BRAF: variants seen among roughly 807,000 people sequenced by gnomAD.
The protein encoded by BRAF is serine/threonine-protein kinase B-raf.
BRAF carries 16 observed loss-of-function variants against 104.6 expected under a neutral mutation model. That is an observed-to-expected ratio of 0.15 (90% CI 0.10 to 0.23). The LOEUF is 0.23. BRAF is among the 10% of genes least tolerant of loss of function. The pLI is 1.00. For synonymous variants in BRAF, 310 were observed against 341.6 expected, an observed-to-expected ratio of 0.91 and a Z score of 1.02; for missense variants, 541 against 937.3, an observed-to-expected ratio of 0.58 and a Z score of 5.52.
intron 3 of BRAF, among the ~76,000 whole-genome samples, chr7:140,814,611 G>A (rs1472038203): frequency 6.6e-6 from 1 of 151,328 alleles, no homozygotes; most frequent in East Asian, 1.9e-4. Context: ...GTTGTAGTGA[G>A]CCAAGACTGT....
Position 140,725,512 on chromosome 7 carries a change from CTTATAT to C in BRAF, c.*976_*981del. The C allele has an allele frequency of 1.0e-6, 1 of 983,676 alleles. No individual in the cohort carries two copies. The highest frequency in any genetic ancestry group is 1.2e-6 in the Non-Finnish European group (1 of 811,014). The allele number at this position is 983,676 out of a possible 1,614,324, so 60.9% of individuals were successfully genotyped here. On this transcript the variant is annotated 3_prime_UTR_variant, in exon 20 of 20. Transcript: ENST00000644969. ...GAAACTCAGAAATTAAAACCTGTAC[CTTATAT>C]TTAAATTATCTAAATTTCTCACATT...
chr7:140,803,399 G>A (rs1327390809), intron 5 of BRAF, among the ~76,000 whole-genome samples: 3 of 152,146 alleles, frequency 2.0e-5, no homozygotes, highest in Non-Finnish European at 4.4e-5. Flanking sequence ...ATAGCTGACA[G>A]AATCAGAACC....
At chr7:140,890,446 G>A (rs1814092794) in intron 1 of BRAF, among the ~76,000 whole-genome samples, 1 of 151,864 alleles carries the variant, frequency 6.6e-6, no homozygotes, top group Non-Finnish European at 1.5e-5. Flanking sequence ...TGAGCAAGAC[G>A]GACAAATTCC....
intron 19 of BRAF, chr7:140,734,394 TTAACCCTTGGATGTTA>T: frequency 6.9e-7 from 1 of 1,441,186 alleles, no homozygotes; most frequent in Non-Finnish European, 9.1e-7. Context: ...TCTATGTATT[TTAACCCTTGGATGTTA>T]AAAATCCAAT....
chr7:140,737,473 A>C (rs1796533824), intron 18 of BRAF, among the ~76,000 whole-genome samples: 1 of 152,230 alleles, frequency 6.6e-6, no homozygotes, highest in Non-Finnish European at 1.5e-5. Flanking sequence ...TTATTATGTG[A>C]ATCACCTGTT....
intron 14 of BRAF, among the ~76,000 whole-genome samples, chr7:140,755,026 T>G (rs1798086817): frequency 6.6e-6 from 1 of 152,088 alleles, no homozygotes; most frequent in African/African-American, 2.4e-5. Context: ...TGTTGTTGTT[T>G]TTGGGGAGAC....
At chr7:140,837,437 T>C (rs1807463515) in intron 2 of BRAF, among the ~76,000 whole-genome samples, 2 of 152,232 alleles carry the variant, frequency 1.3e-5, no homozygotes. Flanking sequence ...TGGCCATTGT[T>C]GTCTTCCTTC....
intron 8 of BRAF, among the ~76,000 whole-genome samples, chr7:140,789,706 C>T (rs1405714050): frequency 6.6e-6 from 1 of 152,182 alleles, no homozygotes; most frequent in Non-Finnish European, 1.5e-5. Flanking sequence ...AAGTTTGCTG[C>T]TCAATTGATT....
intron 1 of BRAF, among the ~76,000 whole-genome samples, chr7:140,867,596 G>A (rs1811112544): frequency 6.6e-6 from 1 of 152,108 alleles, no homozygotes; most frequent in Non-Finnish European, 1.5e-5. Flanking sequence ...CTGTGAGCAG[G>A]ATCGGGGTGG....
chr7:140,880,418 A>G (rs1812770564), intron 1 of BRAF, among the ~76,000 whole-genome samples: 2 of 144,240 alleles, frequency 1.4e-5, no homozygotes, highest in African/African-American at 5.8e-5. Flanking sequence ...CCACACCCGC[A>G]ATTCCTTCCT....
rs75234969 is a variant in BRAF at position 140,810,835 on chromosome 7, A to G, written c.505-1840T>C. 6.5e-3 allele frequency among the ~76,000 whole-genome samples: 990 copies of G among 152,354 alleles called. 9 individuals carry two copies. Among genetic ancestry groups the G allele is most frequent in the African/African-American group, 0.023 (936 of 41,580 alleles). On this transcript the variant is annotated intron_variant, in intron 3 of 19. Transcript: ENST00000644969. ...GCATGCACCTCTCCAACTGAGGTTG[A>G]ACAGTGAAGCTTTCTCTTGCCTTCT...
chr7:140,833,732 CAAT>C (rs1045612925), intron 3 of BRAF, among the ~76,000 whole-genome samples: 2 of 152,060 alleles, frequency 1.3e-5, no homozygotes, highest in African/African-American at 4.8e-5. Context: ...TATTCCCTGA[CAAT>C]AAATGATGCC....
intron 17 of BRAF, among the ~76,000 whole-genome samples, chr7:140,746,131 T>C (rs1449163317): frequency 6.6e-6 from 1 of 152,206 alleles, no homozygotes; most frequent in Non-Finnish European, 1.5e-5. Flanking sequence ...TTTAAGCTAC[T>C]ACATTCTGGG....
At chr7:140,800,568 A>G (rs1316126786) in intron 6 of BRAF, 87 bp from the exon 7 acceptor site, 1 of 1,587,688 alleles carries the variant, frequency 6.3e-7, no homozygotes, top group East Asian at 2.2e-5. Flanking sequence ...AAAAACTGAG[A>G]TCAAATTCCA....
At chr7:140,785,948 C>A in intron 9 of BRAF, 1 of 393,928 alleles carries the variant, frequency 2.5e-6, no homozygotes. Context: ...TGCTTATTTT[C>A]ATAAAATCCC....
intron 1 of BRAF, among the ~76,000 whole-genome samples, chr7:140,884,415 T>C (rs1424666115): frequency 6.8e-6 from 1 of 146,624 alleles, no homozygotes; most frequent in African/African-American, 2.5e-5. Flanking sequence ...GGATCTCTTA[T>C]ATATATATAA....
At chr7:140,794,525 T>C (rs1356283498) in intron 7 of BRAF, 58 bp from the exon 8 acceptor site, 44 of 1,557,308 alleles carry the variant, frequency 2.8e-5, no homozygotes, top group Non-Finnish European at 3.4e-5. Context: ...AAGGTAATAA[T>C]ATTTAAAAAG....
At chr7:140,891,014 C>T (rs1814159454) in intron 1 of BRAF, among the ~76,000 whole-genome samples, 1 of 151,922 alleles carries the variant, frequency 6.6e-6, no homozygotes, top group African/African-American at 2.4e-5. Flanking sequence ...TATCATATAC[C>T]AAGGATACAA....
Position 140,840,024 on chromosome 7 carries a change from C to G in BRAF, c.241-5152G>C, listed in dbSNP as rs1025659557. On this transcript the variant is annotated intron_variant, in intron 2 of 19. Coordinates refer to ENST00000644969, the MANE Select transcript of BRAF (RefSeq NM_001374258.1). ...CAGATCTTCCACCCGCTCATTTCTGCCCCCGTGTAGGCACCTTCTTTAAAA... is the reference window on the plus strand; with the variant it reads ...CAGATCTTCCACCCGCTCATTTCTGGCCCCGTGTAGGCACCTTCTTTAAAA... 3.3e-5 allele frequency among the ~76,000 whole-genome samples: 5 copies of G among 152,190 alleles called. No homozygotes were observed. The East Asian group carries it at 5.8e-4, about 18-fold the overall frequency.
Sources: allele counts gnomAD v4.1 joint callset (sites outside exome capture counted in the v4.1 genomes callset), GRCh38; gene constraint gnomAD v4.1.1; transcripts MANE v1.5; gene names NCBI Gene and HGNC (gene_info 2026-07-23, HGNC 2026-07-21).